The following SGCZ variants were observed in gnomAD, a reference collection of about 807,000 sequenced individuals.
SGCZ encodes the protein zeta-sarcoglycan.
A neutral mutation model predicts 41.3 loss-of-function variants in SGCZ; 40 were observed. The ratio of observed to expected loss-of-function variants is 0.97; its 90% CI spans 0.75 to 1.26. SGCZ has a LOEUF of 1.26. Among genes scored for constraint, SGCZ ranks in the 50% most tolerant of loss-of-function variants. The pLI, the probability that SGCZ is intolerant of heterozygous loss-of-function variation, is 0.00. For missense variants in SGCZ, 552 were observed against 369.8 expected, an observed-to-expected ratio of 1.49 and a Z score of -4.04; for synonymous variants, 206 against 137.5, an observed-to-expected ratio of 1.50 and a Z score of -3.49.
chr8:14,452,420 G>A (rs1259392586), intron 2 of SGCZ, among the ~76,000 whole-genome samples: 3 of 152,032 alleles, frequency 2.0e-5, no homozygotes, highest in African/African-American at 7.2e-5. Context: ...CAAAGAATGT[G>A]CAATTCCAAG....
At chr8:14,475,568 G>A (rs1171767219) in intron 2 of SGCZ, among the ~76,000 whole-genome samples, 2 of 152,072 alleles carry the variant, frequency 1.3e-5, no homozygotes, top group African/African-American at 4.8e-5. Context: ...TAATATTTCA[G>A]CTTGTTTTAT....
chr8:14,366,847 T>G (rs1201527802), intron 2 of SGCZ, among the ~76,000 whole-genome samples: 1 of 152,104 alleles, frequency 6.6e-6, no homozygotes, highest in African/African-American at 2.4e-5. Flanking sequence ...ACAAAACCTT[T>G]TTTCCCTCCT....
intron 1 of SGCZ, among the ~76,000 whole-genome samples, chr8:15,198,853 G>A (rs78124396): frequency 0.011 from 1,659 of 152,100 alleles, 32 homozygotes; most frequent in African/African-American, 0.037. Flanking sequence ...ACCTTCCTGC[G>A]CTTTCTTGTT....
chr8:15,079,883 CT>C (rs907335624), intron 1 of SGCZ, among the ~76,000 whole-genome samples: 2 of 152,126 alleles, frequency 1.3e-5, no homozygotes, highest in Admixed American at 1.3e-4. Context: ...TCTTCTCCCC[CT>C]CCCTCTCCCC....
At chr8:14,527,695 A>G (rs1802996596) in intron 2 of SGCZ, among the ~76,000 whole-genome samples, 1 of 152,096 alleles carries the variant, frequency 6.6e-6, no homozygotes, top group African/African-American at 2.4e-5. Flanking sequence ...CAGTTCCTCC[A>G]TCATGCTAGT....
intron 1 of SGCZ, among the ~76,000 whole-genome samples, chr8:15,168,723 GA>G (rs1563162816): frequency 6.6e-6 from 1 of 152,174 alleles, no homozygotes; most frequent in Non-Finnish European, 1.5e-5. Context: ...GGACTCCTTT[GA>G]AAAGTGCTTT....
intron 2 of SGCZ, among the ~76,000 whole-genome samples, chr8:14,370,164 G>A (rs979984616): frequency 1.8e-4 from 28 of 151,892 alleles, no homozygotes; most frequent in Non-Finnish European, 2.9e-4. Flanking sequence ...GAAGAAAGGA[G>A]AGTTTTAAAT....
At chr8:14,557,219 A>T (rs927311449) in intron 1 of SGCZ, among the ~76,000 whole-genome samples, 1 of 150,364 alleles carries the variant, frequency 6.7e-6, no homozygotes, top group African/African-American at 2.4e-5. Flanking sequence ...TTTATTGGTC[A>T]TTTGTATATC....
At chr8:14,725,983 A>G (rs114738266) in intron 1 of SGCZ, among the ~76,000 whole-genome samples, 3,634 of 152,060 alleles carry the variant, frequency 0.024, 54 homozygotes, top group South Asian at 0.073. Flanking sequence ...GTAAAATTTT[A>G]TGGCCAGGCT....
At chr8:14,760,796 C>G (rs1272790248) in intron 1 of SGCZ, among the ~76,000 whole-genome samples, 1 of 152,174 alleles carries the variant, frequency 6.6e-6, no homozygotes, top group East Asian at 1.9e-4. Flanking sequence ...CTGGGCCCTA[C>G]TTATACTAAA....
chr8:14,904,062 T>A (rs1799051301), intron 1 of SGCZ, among the ~76,000 whole-genome samples: 1 of 152,104 alleles, frequency 6.6e-6, no homozygotes, highest in African/African-American at 2.4e-5. Flanking sequence ...ATTAACTTGT[T>A]GATAAAGCTA....
intron 3 of SGCZ, among the ~76,000 whole-genome samples, chr8:14,269,190 T>A (rs946013539): frequency 6.6e-6 from 1 of 152,160 alleles, no homozygotes; most frequent in South Asian, 2.1e-4. Flanking sequence ...ATCATAGCAT[T>A]ATATTGTAAG....
intron 5 of SGCZ, among the ~76,000 whole-genome samples, chr8:14,126,028 A>C (rs886808459): frequency 4.6e-5 from 7 of 152,242 alleles, no homozygotes; most frequent in African/African-American, 1.7e-4. Context: ...TAAAAACCCT[A>C]GAAGAAAGGC....
At chr8:14,132,034 G>A (rs1803056581) in intron 5 of SGCZ, among the ~76,000 whole-genome samples, 1 of 152,148 alleles carries the variant, frequency 6.6e-6, no homozygotes, top group Admixed American at 6.5e-5. Flanking sequence ...AGTAATGCAT[G>A]ATTGTATTTT....
At chr8:14,682,084 T>C (rs899611904) in intron 1 of SGCZ, among the ~76,000 whole-genome samples, 1 of 152,128 alleles carries the variant, frequency 6.6e-6, no homozygotes, top group African/African-American at 2.4e-5. Flanking sequence ...TAGTCAGATT[T>C]CACAGCCCTG....
chr8:15,170,128 AT>A (rs72316839), intron 1 of SGCZ, among the ~76,000 whole-genome samples: 5 of 151,700 alleles, frequency 3.3e-5, no homozygotes, highest in Non-Finnish European at 7.4e-5. Context: ...CAGTAATTAA[AT>A]TTTTTTCCAT....
chr8:14,903,978 G>C (rs1204678285), intron 1 of SGCZ, among the ~76,000 whole-genome samples: 2 of 151,926 alleles, frequency 1.3e-5, no homozygotes, highest in African/African-American at 4.8e-5. Flanking sequence ...TTTCGTAACA[G>C]GAAATTGTGG....
intron 5 of SGCZ, among the ~76,000 whole-genome samples, chr8:14,163,433 A>T (rs1804108268): frequency 6.6e-6 from 1 of 152,018 alleles, no homozygotes; most frequent in Admixed American, 6.6e-5. Context: ...TTGGCTTTCT[A>T]TTCCTGCATT....
chr8:14,351,225 T>G (rs900062960), intron 2 of SGCZ, among the ~76,000 whole-genome samples: 1 of 152,186 alleles, frequency 6.6e-6, no homozygotes, highest in African/African-American at 2.4e-5. Context: ...AAGATAAGCC[T>G]TGCTGTTATT....
Sources: allele counts gnomAD v4.1 joint callset (sites outside exome capture counted in the v4.1 genomes callset), GRCh38; gene constraint gnomAD v4.1.1; transcripts MANE v1.5; gene names NCBI Gene and HGNC (gene_info 2026-07-23, HGNC 2026-07-21).